Variants in FAAH2 observed in about 807,000 individuals in gnomAD.
The protein encoded by FAAH2 is fatty-acid amide hydrolase 2.
A neutral mutation model predicts 36.9 loss-of-function variants in FAAH2; 60 were observed. The observed-to-expected ratio is 1.63, with a 90% CI of 1.32 to 2.02. FAAH2 has a LOEUF of 2.02. FAAH2 is among the 30% of genes most tolerant of loss of function. FAAH2 has a pLI of 0.00. For missense variants in FAAH2, 689 were observed against 397.5 expected (o/e 1.73, Z -6.23); for synonymous variants, 214 against 143.8 (o/e 1.49, Z -3.49).
At chrX:57,302,280 A>C (rs774269624) in intron 2 of FAAH2, among the ~76,000 whole-genome samples, 13 of 111,890 alleles carry the variant, frequency 1.2e-4, no homozygotes, top group Non-Finnish European at 2.3e-4. Context: ...TCTTTGTTTT[A>C]TCCTTTCTAA....
intron 3 of FAAH2, among the ~76,000 whole-genome samples, chrX:57,312,161 G>A (rs2146903077): frequency 8.9e-6 from 1 of 112,557 alleles, no homozygotes; most frequent in South Asian, 3.7e-4. Flanking sequence ...AGCAGATCTG[G>A]TGAGGGAGGT....
chrX:57,354,219 A>G (rs1176472468), intron 5 of FAAH2, among the ~76,000 whole-genome samples: 2 of 111,231 alleles, frequency 1.8e-5, no homozygotes, highest in African/African-American at 6.5e-5. Context: ...GGATAAATAA[A>G]TTGTGGTATA....
In FAAH2 at chrX:57,310,629, T is replaced by A; in HGVS notation, c.312T>A (p.Asp104Glu). ...EEAMKEAHAV[D>E]QKLAEKQEDE... ...CGATGAAGGAGGCTCATGCTGTAGA[T>A]CAAAAGCTTGCAGAGAAGCAGGAAG... The change falls in exon 3 of 11, where the codon GAT (aspartate) becomes GAA (glutamate). Residue 104 changes from aspartate to glutamate, a missense_variant. Coordinates refer to ENST00000374900, the MANE Select transcript of FAAH2 (RefSeq NM_174912.4). The A allele has an allele frequency of 8.3e-7, 1 of 1,209,941 alleles. No homozygotes were observed. The highest frequency in any genetic ancestry group is 1.1e-6 in the Non-Finnish European group (1 of 894,656).
chrX:57,360,084 G>A (rs760728574), intron 5 of FAAH2, among the ~76,000 whole-genome samples: 1 of 109,266 alleles, frequency 9.2e-6, no homozygotes, highest in East Asian at 2.9e-4. Flanking sequence ...TGCACAGTGA[G>A]TAGCTATTCT....
intron 10 of FAAH2, among the ~76,000 whole-genome samples, chrX:57,466,367 CTAAT>C (rs2057051033): frequency 9.5e-6 from 1 of 104,837 alleles, no homozygotes; most frequent in Non-Finnish European, 1.9e-5. Context: ...CAACTCAAAA[CTAAT>C]TAAAATAATA....
At chrX:57,324,992 T>C (rs2053166632) in intron 3 of FAAH2, among the ~76,000 whole-genome samples, 1 of 112,350 alleles carries the variant, frequency 8.9e-6, no homozygotes, top group South Asian at 3.7e-4. Context: ...TAGATAGCTC[T>C]TAATATTTTG....
At chrX:57,218,384 A>G in the FAAH2 span, among the ~76,000 whole-genome samples, 5 of 111,728 alleles carry the variant, frequency 4.5e-5, no homozygotes, top group Non-Finnish European at 9.4e-5. Flanking sequence ...TTGTATGCCA[A>G]TTTTGCTGGG....
intron 4 of FAAH2, among the ~76,000 whole-genome samples, chrX:57,335,370 G>A (rs972383841): frequency 4.5e-5 from 5 of 112,154 alleles, no homozygotes; most frequent in Non-Finnish European, 9.4e-5. Flanking sequence ...GGATGTGGCA[G>A]GACAATAGGA....
intron 2 of FAAH2, among the ~76,000 whole-genome samples, chrX:57,300,673 A>G (rs1253872022): frequency 2.7e-5 from 3 of 111,885 alleles, no homozygotes; most frequent in Non-Finnish European, 5.6e-5. Flanking sequence ...TGAACAGGCA[A>G]CCTACAAAAT....
intron 3 of FAAH2, 85 bp downstream of exon 3, chrX:57,310,814 A>G (rs1190316703): frequency 1.0e-5 from 10 of 992,775 alleles, no homozygotes; most frequent in African/African-American, 3.9e-5. Context: ...AGGATGGTAT[A>G]AAAGTGAAGG....
intron 5 of FAAH2, among the ~76,000 whole-genome samples, chrX:57,352,103 T>TATATAC (rs2054034207): frequency 2.0e-5 from 1 of 49,218 alleles, no homozygotes. Flanking sequence ...CACATATATA[T>TATATAC]ATATGTGTAT....
the FAAH2 span, among the ~76,000 whole-genome samples, chrX:57,230,075 C>A: frequency 8.9e-6 from 1 of 111,806 alleles, no homozygotes; most frequent in Non-Finnish European, 1.9e-5. Context: ...TGACTTCTGT[C>A]TCATACTCGC....
intron 7 of FAAH2, among the ~76,000 whole-genome samples, chrX:57,422,851 A>T (rs995358250): frequency 2.7e-5 from 3 of 112,495 alleles, no homozygotes; most frequent in Admixed American, 1.9e-4. Flanking sequence ...GTCACACTGT[A>T]AAATTTTATC....
intron 8 of FAAH2, among the ~76,000 whole-genome samples, chrX:57,443,529 T>A (rs980343741): frequency 3.6e-5 from 4 of 112,102 alleles, no homozygotes; most frequent in African/African-American, 1.3e-4. Context: ...TTCAAGGTTT[T>A]TAACTTCTTT....
rs773904367 is a variant in FAAH2, at chrX:57,315,010, T to C, written c.412+4281T>C. On this transcript the variant is annotated intron_variant, in intron 3 of 10. Coordinates refer to ENST00000374900, the MANE Select transcript of FAAH2 (RefSeq NM_174912.4). ...AAATTAAGAGTTTGTTTTTCAAAAA[T>C]AAGTTAGACTGCTACCTAGATTAAA... 8.1e-4 allele frequency among the ~76,000 whole-genome samples: 90 copies of C among 111,087 alleles called. 1 individual carries two copies. Among genetic ancestry groups the C allele is most frequent in the Non-Finnish European group, 1.5e-3 (80 of 52,772 alleles).
chrX:57,152,369 TG>T, the FAAH2 span, among the ~76,000 whole-genome samples: 2 of 111,980 alleles, frequency 1.8e-5, no homozygotes, highest in Non-Finnish European at 3.8e-5. Flanking sequence ...CCCCCAGAGG[TG>T]GAGCCTACAG....
At chrX:57,384,746 C>T (rs934991968) in intron 7 of FAAH2, among the ~76,000 whole-genome samples, 1 of 111,606 alleles carries the variant, frequency 9.0e-6, no homozygotes, top group Non-Finnish European at 1.9e-5. Context: ...ACTAGTTCAA[C>T]CATTGTGGAA....
At chrX:57,309,111 T>C (rs765252669) in intron 2 of FAAH2, among the ~76,000 whole-genome samples, 22 of 112,207 alleles carry the variant, frequency 2.0e-4, no homozygotes, top group Non-Finnish European at 3.2e-4. Flanking sequence ...TTTTCAAGAA[T>C]TAATATTTGT....
At chrX:57,400,853 T>C (rs2055415105) in intron 7 of FAAH2, among the ~76,000 whole-genome samples, 1 of 112,426 alleles carries the variant, frequency 8.9e-6, no homozygotes, top group Non-Finnish European at 1.9e-5. Context: ...CTGGGCGCAG[T>C]GGCTCATGCC....
Sources: allele counts gnomAD v4.1 joint callset (sites outside exome capture counted in the v4.1 genomes callset), GRCh38; gene constraint gnomAD v4.1.1; transcripts MANE v1.5; gene names NCBI Gene and HGNC (gene_info 2026-07-23, HGNC 2026-07-21).